Variants in NRXN3 observed in about 807,000 individuals in gnomAD.
NRXN3 encodes the protein neurexin 3.
A neutral mutation model predicts 137.6 loss-of-function variants in NRXN3; 32 were observed. The ratio of observed to expected loss-of-function variants is 0.23; its 90% confidence interval spans 0.18 to 0.31. NRXN3 has a LOEUF of 0.31. Ranked by LOEUF, NRXN3 falls within the 10% of genes least tolerant of loss-of-function variation. The pLI is 1.00. For missense variants in NRXN3, 1,574 were observed against 2,062.5 expected (o/e 0.76, Z 4.59); for synonymous variants, 798 against 784.5 (o/e 1.02, Z -0.29).
In NRXN3 at chr14:79,462,618, T is replaced by C. The variant is rs562130919; in HGVS notation, c.3263-4603T>C. On this transcript the variant is annotated intron_variant, in intron 15 of 20. Transcript: ENST00000335750. ...TCACTTAATTAGCTATATATATATA[T>C]ACACACACATACATATATTCACATA... 9.5e-4 allele frequency among the ~76,000 whole-genome samples: 143 copies of C among 150,872 alleles called. 1 individual carries two copies. Among genetic ancestry groups the C allele is most frequent in the Middle Eastern group, 3.5e-3 (1 of 288 alleles).
chr14:79,237,811 G>A (rs1051849752), intron 15 of NRXN3, among the ~76,000 whole-genome samples: 2 of 152,130 alleles, frequency 1.3e-5, no homozygotes, highest in South Asian at 2.1e-4. Context: ...ATTAAAATCC[G>A]TATTCTGTTT....
At chr14:78,894,504 C>T (rs1425879075) in intron 10 of NRXN3, among the ~76,000 whole-genome samples, 1 of 151,910 alleles carries the variant, frequency 6.6e-6, no homozygotes, top group Non-Finnish European at 1.5e-5. Flanking sequence ...ACCACATCTG[C>T]ATCTACTTTC....
intron 8 of NRXN3, among the ~76,000 whole-genome samples, chr14:78,724,656 T>G (rs529834232): frequency 2.0e-5 from 3 of 152,344 alleles, no homozygotes; most frequent in Non-Finnish European, 4.4e-5. Context: ...TACTTTTATG[T>G]CTCATGATCT....
intron 8 of NRXN3, among the ~76,000 whole-genome samples, chr14:78,769,710 T>G (rs763767117): frequency 6.6e-6 from 1 of 152,182 alleles, no homozygotes; most frequent in Non-Finnish European, 1.5e-5. Context: ...TAAGGCAGAA[T>G]AGAAGAGATA....
chr14:79,386,547 A>C (rs1300255949), intron 15 of NRXN3, among the ~76,000 whole-genome samples: 2 of 152,182 alleles, frequency 1.3e-5, no homozygotes, highest in African/African-American at 4.8e-5. Flanking sequence ...TATAGATTCA[A>C]TCTCATCCCC....
intron 1 of NRXN3, among the ~76,000 whole-genome samples, chr14:78,196,057 C>T (rs944697895): frequency 2.0e-5 from 3 of 152,206 alleles, no homozygotes; most frequent in African/African-American, 7.2e-5. Context: ...ATGATAGATT[C>T]GTTTCCCATG....
intron 15 of NRXN3, among the ~76,000 whole-genome samples, chr14:79,303,738 C>T (rs1471018401): frequency 6.6e-6 from 1 of 151,960 alleles, no homozygotes; most frequent in Non-Finnish European, 1.5e-5. Context: ...GAGAAGCAAC[C>T]ACAGACAATA....
At chr14:79,333,866 A>G (rs558244351) in intron 15 of NRXN3, among the ~76,000 whole-genome samples, 1 of 152,256 alleles carries the variant, frequency 6.6e-6, no homozygotes, top group East Asian at 1.9e-4. Flanking sequence ...AAAATTTAAG[A>G]ACTGTTGAGA....
At chr14:79,848,411 A>G (rs2099384839) in intron 20 of NRXN3, among the ~76,000 whole-genome samples, 1 of 152,148 alleles carries the variant, frequency 6.6e-6, no homozygotes, top group Non-Finnish European at 1.5e-5. Context: ...GTGGCCCAAC[A>G]CAAATTTGTA....
rs574667097 is a variant in NRXN3, at chr14:79,866,449, C to T, written c.*4485C>T. On this transcript the variant is annotated 3_prime_UTR_variant, in exon 21 of 21. Coordinates refer to ENST00000335750, the MANE Select transcript of NRXN3 (RefSeq NM_001330195.2). ...TAGAAGGGGTGACATTTTGGTAAAC[C>T]TTGGAAAACTGATAGGCAGAAATAA... The T allele has an allele frequency of 6.6e-6, 1 of 152,136 alleles. No homozygotes were observed. The highest frequency in any genetic ancestry group is 1.9e-4 in the East Asian group (1 of 5,166). The allele number at this position is 152,136 out of a possible 1,614,324, so 9.4% of individuals were successfully genotyped here.
At chr14:78,998,181 G>A (rs1174500361) in intron 15 of NRXN3, among the ~76,000 whole-genome samples, 1 of 152,098 alleles carries the variant, frequency 6.6e-6, no homozygotes, top group Non-Finnish European at 1.5e-5. Context: ...CATTTTCCCG[G>A]TTATATCAGG....
chr14:78,329,959 G>A (rs2080587982), intron 4 of NRXN3, among the ~76,000 whole-genome samples: 1 of 152,128 alleles, frequency 6.6e-6, no homozygotes, highest in African/African-American at 2.4e-5. Flanking sequence ...ACATACAATG[G>A]TTATTATTGC....
At chr14:78,671,138 G>A (rs940509109) in intron 6 of NRXN3, among the ~76,000 whole-genome samples, 3 of 152,138 alleles carry the variant, frequency 2.0e-5, no homozygotes, top group Admixed American at 1.3e-4. Context: ...TAGAGAAAAC[G>A]TTGTCATCGA....
At chr14:79,346,904 G>T (rs1285809933) in intron 15 of NRXN3, among the ~76,000 whole-genome samples, 1 of 152,164 alleles carries the variant, frequency 6.6e-6, no homozygotes, top group African/African-American at 2.4e-5. Context: ...CAGGCTCAAT[G>T]TCTTAAAATA....
At chr14:78,827,681 G>C (rs191452624) in intron 10 of NRXN3, among the ~76,000 whole-genome samples, 9 of 152,276 alleles carry the variant, frequency 5.9e-5, no homozygotes, top group Admixed American at 5.2e-4. Flanking sequence ...AGCCATACTG[G>C]CTTGCCTTGT....
intron 5 of NRXN3, among the ~76,000 whole-genome samples, chr14:78,649,019 T>A (rs1314469097): frequency 6.6e-6 from 1 of 152,188 alleles, no homozygotes; most frequent in Non-Finnish European, 1.5e-5. Context: ...CAGCTCCTTT[T>A]CTGGCTGTGC....
At chr14:79,020,841 G>A (rs933462988) in intron 15 of NRXN3, among the ~76,000 whole-genome samples, 5 of 144,662 alleles carry the variant, frequency 3.5e-5, no homozygotes, top group African/African-American at 7.7e-5. Context: ...TATGAAATGC[G>A]CTCTGCCTGT....
intron 1 of NRXN3, among the ~76,000 whole-genome samples, chr14:78,175,930 A>T (rs185996055): frequency 3.3e-5 from 5 of 152,328 alleles, no homozygotes; most frequent in Admixed American, 3.3e-4. Context: ...TTTAAGATGG[A>T]TCTCGTCTCT....
At chr14:79,737,724 T>G (rs2098946922) in intron 19 of NRXN3, among the ~76,000 whole-genome samples, 1 of 151,382 alleles carries the variant, frequency 6.6e-6, no homozygotes, top group Non-Finnish European at 1.5e-5. Context: ...ATTCTTTTCT[T>G]TCTTTCTTTT....
Sources: allele counts gnomAD v4.1 joint callset (sites outside exome capture counted in the v4.1 genomes callset), GRCh38; gene constraint gnomAD v4.1.1; transcripts MANE v1.5; gene names NCBI Gene and HGNC (gene_info 2026-07-23, HGNC 2026-07-21).